SI: variants seen among roughly 807,000 people sequenced by gnomAD.
SI encodes sucrase-isomaltase, intestinal.
In SI, 235 loss-of-function variants were observed where a neutral mutation model predicts 253.3. That is an observed-to-expected ratio of 0.93 (90% confidence interval 0.83 to 1.03). SI has a LOEUF of 1.03. SI is among the 50% of genes least tolerant of loss of function. The pLI is 0.00. For synonymous variants in SI, 819 were observed against 712.0 expected, an observed-to-expected ratio of 1.15 and a Z score of -2.39; for missense variants, 2,442 against 2,211.1, an observed-to-expected ratio of 1.10 and a Z score of -2.09.
intron 21 of SI, among the ~76,000 whole-genome samples, chr3:165,037,201 C>G (rs1001585945): frequency 6.6e-6 from 1 of 151,446 alleles, no homozygotes; most frequent in Non-Finnish European, 1.5e-5. Flanking sequence ...ATACTACATA[C>G]AAGAAAAGAA....
chr3:165,050,716 A>C lies in SI; in HGVS notation c.1513-841T>G, dbSNP rs1713382748. Among the ~76,000 whole-genome samples the C allele has an allele frequency of 2.6e-5, 4 of 152,230 alleles. No individual in the cohort carries two copies. The South Asian group carries it at 8.3e-4, about 32-fold the overall frequency. Reference sequence around the variant, plus strand: ...CATCTCTATAATAGTCTCCTTTCACATAAAGACATCACATTCAGTCACATC... The same window carrying C: ...CATCTCTATAATAGTCTCCTTTCACCTAAAGACATCACATTCAGTCACATC... On this transcript the variant is annotated intron_variant, in intron 13 of 47. Transcript: ENST00000264382.
At chr3:165,029,360 A>G (rs1712099010) in intron 25 of SI, among the ~76,000 whole-genome samples, 1 of 150,870 alleles carries the variant, frequency 6.6e-6, no homozygotes, top group Non-Finnish European at 1.5e-5. Flanking sequence ...ACCACTATGG[A>G]CAACAGTGTG....
chr3:165,035,652 A>G (rs1229063871), intron 22 of SI, among the ~76,000 whole-genome samples: 3 of 151,500 alleles, frequency 2.0e-5, no homozygotes, highest in Non-Finnish European at 4.4e-5. Context: ...TCCTTAATAC[A>G]CCTGAGAAGT....
chr3:165,054,238 T>C (rs1191526000), intron 13 of SI, among the ~76,000 whole-genome samples: 1 of 152,126 alleles, frequency 6.6e-6, no homozygotes, highest in Non-Finnish European at 1.5e-5. Flanking sequence ...AAAGAAAATA[T>C]AGTCATCCTT....
chr3:165,074,017 A>G (rs1040455296), intron 3 of SI, among the ~76,000 whole-genome samples: 13 of 152,076 alleles, frequency 8.5e-5, no homozygotes, highest in African/African-American at 2.7e-4. Context: ...GGGGAAAAAA[A>G]GGAAGAGTGA....
In SI at chr3:165,017,779, T is replaced by A; in HGVS notation, c.3615A>T (p.Ala1205=). The change falls in exon 30 of 48, where the codon GCA becomes GCT. Residue 1205 remains alanine (A), a synonymous_variant. Coordinates refer to ENST00000264382, the MANE Select transcript of SI (RefSeq NM_001041.4). ...ATCATACTTCATGGTATTGCTTTGT[T>A]GCAACTTCTGGAGTTGGGCCCAAAA... is the stretch of plus-strand genomic sequence containing the variant. The part of the protein sequence containing the change: ...YMFLGPTPEV[A]TKQYHEVIGH... The A allele has an allele frequency of 6.2e-7, 1 of 1,612,612 alleles. No individual in the cohort carries two copies. The highest frequency in any genetic ancestry group is 8.5e-7 in the Non-Finnish European group (1 of 1,178,956).
At position 165,043,084 on chromosome 3, in the gene SI, C is replaced by T; in HGVS notation, c.1979G>A (p.Arg660Lys). The T allele has an allele frequency of 6.2e-7, 1 of 1,611,044 alleles. No individual in the cohort carries two copies. Among genetic ancestry groups the T allele is most frequent in the Non-Finnish European group, 8.5e-7 (1 of 1,177,708 alleles). Residue 660 changes from arginine to lysine, a missense_variant, in exon 17 of 48, where the codon AGA becomes AAA. Coordinates refer to ENST00000264382, the MANE Select transcript of SI (RefSeq NM_001041.4). ...MQLGAFYPFSRNHNSDGYEHQ... is the reference protein window; with the variant it reads ...MQLGAFYPFSKNHNSDGYEHQ... Reference sequence around the variant, plus strand: ...TTCATATCCGTCAGAATTATGGTTTCTGGAAAATGGATAAAATGCCCCAAG... The same window carrying T: ...TTCATATCCGTCAGAATTATGGTTTTTGGAAAATGGATAAAATGCCCCAAG...
intron 8 of SI, 86 bp from the exon 9 acceptor site, chr3:165,062,569 A>G: frequency 1.4e-6 from 1 of 705,384 alleles, no homozygotes. Context: ...ATTAATTTGT[A>G]TTAACTACAT....
chr3:165,065,382 A>G lies in SI; in HGVS notation c.686T>C (p.Ile229Thr). 6.3e-7 allele frequency: 1 copy of G among 1,585,446 alleles called. No homozygotes were observed. Among genetic ancestry groups the G allele is most frequent in the Non-Finnish European group, 8.6e-7 (1 of 1,158,396 alleles). The stretch of plus-strand genomic sequence containing the variant: ...ATAATCACTTGGAAGACGGGTTGAG[A>G]TCTGTAAGTACTGGTCAGAGTACAC... ...PLVYSDQYLQ[I>T]STRLPSDYIY... The change falls in exon 7 of 48, where the codon ATC (isoleucine) becomes ACC (threonine). Residue 229 changes from isoleucine to threonine, a missense_variant. Transcript: ENST00000264382.
intron 1 of SI, among the ~76,000 whole-genome samples, chr3:165,077,893 A>G (rs2108122259): frequency 6.6e-6 from 1 of 151,716 alleles, no homozygotes; most frequent in South Asian, 2.1e-4. Context: ...TGATCCCTGT[A>G]ATTTTGGATT....
At chr3:165,069,051 G>A (rs1200951376) in intron 4 of SI, 27 bp downstream of exon 4, 1 of 1,434,596 alleles carries the variant, frequency 7.0e-7, no homozygotes, top group Admixed American at 1.7e-5. Flanking sequence ...ATATCATATT[G>A]AATCATTATA....
chr3:165,087,741 T>C, the SI span, among the ~76,000 whole-genome samples: 1 of 152,190 alleles, frequency 6.6e-6, no homozygotes, highest in Non-Finnish European at 1.5e-5. Context: ...TGCTATCAGA[T>C]TTATATTAAT....
chr3:164,984,368 TA>T (rs1322262325), intron 45 of SI, among the ~76,000 whole-genome samples: 1 of 152,180 alleles, frequency 6.6e-6, no homozygotes, highest in Non-Finnish European at 1.5e-5. Context: ...TTATGTATGC[TA>T]ATATATGTAT....
intron 13 of SI, among the ~76,000 whole-genome samples, chr3:165,054,101 A>T (rs1193024884): frequency 2.0e-5 from 3 of 152,150 alleles, no homozygotes; most frequent in Non-Finnish European, 4.4e-5. Flanking sequence ...TGATAGATAC[A>T]TGGTGCAAAA....
intron 37 of SI, among the ~76,000 whole-genome samples, chr3:165,002,387 T>C (rs915553082): frequency 6.6e-6 from 1 of 151,778 alleles, no homozygotes; most frequent in Admixed American, 6.6e-5. Context: ...TAAAACTATC[T>C]GCAATTTCTC....
At chr3:165,049,411 A>T (rs982291328) in intron 14 of SI, among the ~76,000 whole-genome samples, 167 bp from the exon 15 acceptor site, 1 of 152,192 alleles carries the variant, frequency 6.6e-6, no homozygotes, top group African/African-American at 2.4e-5. Context: ...AGTTCCAATT[A>T]GGTCCTCATC....
chr3:165,009,536 T>C (rs1320351090), intron 34 of SI, 141 bp from the exon 35 acceptor site: 4 of 648,652 alleles, frequency 6.2e-6, no homozygotes, highest in Admixed American at 4.8e-5. Flanking sequence ...ATTACATAAA[T>C]GTGTGTGGTT....
intron 17 of SI, among the ~76,000 whole-genome samples, chr3:165,042,119 T>A (rs1712865213): frequency 6.6e-6 from 1 of 152,094 alleles, no homozygotes; most frequent in Non-Finnish European, 1.5e-5. Context: ...CCAATAAATT[T>A]CAAAATTTAT....
chr3:165,058,702 A>C (rs1001697828), intron 12 of SI, among the ~76,000 whole-genome samples: 1 of 151,950 alleles, frequency 6.6e-6, no homozygotes, highest in Non-Finnish European at 1.5e-5. Flanking sequence ...AAACACATAC[A>C]ATCTACTAAG....
Sources: gnomAD v4.1 joint callset for allele counts (sites outside exome capture counted in the v4.1 genomes callset) on GRCh38, gnomAD v4.1.1 for gene constraint, MANE v1.5 for transcripts, NCBI Gene and HGNC (gene_info 2026-07-23, HGNC 2026-07-21) for gene names.